The following SLC6A11 variants were observed in gnomAD, a reference collection of about 807,000 sequenced individuals.
The protein encoded by SLC6A11 is sodium- and chloride-dependent GABA transporter 3.
Under a neutral mutation model 74.8 loss-of-function variants are expected in SLC6A11, and 25 were observed. That is an observed-to-expected ratio of 0.33 (90% confidence interval 0.24 to 0.47). The LOEUF (loss-of-function observed/expected upper bound fraction) is 0.47, where lower values mean the gene tolerates loss of function less well. Ranked by LOEUF, SLC6A11 falls within the 20% of genes least tolerant of loss-of-function variation. The pLI is 1.00. For missense variants in SLC6A11, 574 were observed against 837.0 expected (o/e 0.69, Z 3.88); for synonymous variants, 330 against 330.2 (o/e 1.00, Z 0.01).
intron 5 of SLC6A11, among the ~76,000 whole-genome samples, chr3:10,856,456 A>T (rs1201993153): frequency 6.6e-6 from 1 of 152,182 alleles, no homozygotes; most frequent in East Asian, 1.9e-4. Flanking sequence ...ATTTAACTTA[A>T]CCTTCACAAC....
At chr3:10,826,743 A>G (rs1694215222) in intron 4 of SLC6A11, among the ~76,000 whole-genome samples, 1 of 152,240 alleles carries the variant, frequency 6.6e-6, no homozygotes, top group South Asian at 2.1e-4. Context: ...GAAGAGTCAA[A>G]GTGGGCTCTG....
chr3:10,879,860 T>C (rs138623056), intron 6 of SLC6A11, among the ~76,000 whole-genome samples: 1 of 152,294 alleles, frequency 6.6e-6, no homozygotes, highest in East Asian at 1.9e-4. Flanking sequence ...AAGGAAATGC[T>C]TCAATGAGCA....
At chr3:10,894,372 G>A (rs565688659) in intron 6 of SLC6A11, among the ~76,000 whole-genome samples, 74 of 152,336 alleles carry the variant, frequency 4.9e-4, no homozygotes, top group African/African-American at 1.7e-3. Context: ...AGGCAGGTCA[G>A]TGAGTGTCAA....
rs574389998 is a variant in SLC6A11, at chr3:10,827,834, G to T, written c.623+4442G>T. Among the ~76,000 whole-genome samples the T allele has an allele frequency of 3.9e-5, 6 of 152,224 alleles. No individual in the cohort carries two copies. In the East Asian group the frequency reaches 1.2e-3, roughly 29 times the overall value. ...GGCTTTGCCTTGACCATGGGCACCT[G>T]GCCTGCCCACTCCCCATCTTGAAGT... On this transcript the variant is annotated intron_variant, in intron 4 of 13. Coordinates refer to ENST00000254488, the MANE Select transcript of SLC6A11 (RefSeq NM_014229.3).
intron 8 of SLC6A11, among the ~76,000 whole-genome samples, chr3:10,920,330 G>A (rs184032796): frequency 3.3e-4 from 50 of 152,244 alleles, no homozygotes; most frequent in African/African-American, 1.0e-3. Context: ...CAAATCCAAC[G>A]CAACACCTTG....
intron 8 of SLC6A11, among the ~76,000 whole-genome samples, chr3:10,923,127 G>A (rs1307925622): frequency 6.6e-6 from 1 of 151,892 alleles, no homozygotes; most frequent in Non-Finnish European, 1.5e-5. Context: ...ATGTGTATAT[G>A]CATGGATAAA....
At chr3:10,868,532 A>G (rs1694791631) in intron 5 of SLC6A11, among the ~76,000 whole-genome samples, 1 of 152,262 alleles carries the variant, frequency 6.6e-6, no homozygotes, top group Non-Finnish European at 1.5e-5. Flanking sequence ...TGAAAAGGGA[A>G]TTAAACAATA....
At chr3:10,898,220 G>T (rs1031077351) in intron 6 of SLC6A11, among the ~76,000 whole-genome samples, 1 of 152,174 alleles carries the variant, frequency 6.6e-6, no homozygotes. Context: ...ACATGCCCTC[G>T]AGACATTTTC....
In SLC6A11 at chr3:10,926,216, C is replaced by A; in HGVS notation, c.1233+100C>A. 4 of 719,268 alleles carry A rather than the reference C, an allele frequency of 5.6e-6. No individual in the cohort carries two copies. Among genetic ancestry groups the A allele is most frequent in the Non-Finnish European group, 9.5e-6 (4 of 419,310 alleles). The allele number at this position is 719,268 out of a possible 1,614,324, so 44.6% of individuals were successfully genotyped here. ...GTGGCTCCCCAGGCCCAGCCACTCC[C>A]ACCTGGCCCTGGCATCAGGGCCCTG... On this transcript the variant is annotated intron_variant, in intron 9 of 13. Transcript: ENST00000254488. The surrounding 1 kb of genome is among the most constrained non-coding windows in gnomAD (Gnocchi z 5.7).
rs1695486524 is a variant in SLC6A11 at position 10,918,324 on chromosome 3, C to T, written c.996-5C>T. 6.3e-7 allele frequency: 1 copy of T among 1,583,562 alleles called. No individual in the cohort carries two copies. Among genetic ancestry groups the T allele is most frequent in the African/African-American group, 1.4e-5 (1 of 72,816 alleles). ...ACCCTAGTGCCTCTCGCTGCTTCCC[C>T]ACAGGGACTGCATCATGCTCTGTTG... On this transcript the variant is annotated splice_polypyrimidine_tract_variant and splice_region_variant and intron_variant, in intron 7 of 13. Coordinates refer to ENST00000254488, the MANE Select transcript of SLC6A11 (RefSeq NM_014229.3). The surrounding 1 kb of genome is among the most constrained non-coding windows in gnomAD (Gnocchi z 4.5).
chr3:10,833,060 T>G (rs1238231420), intron 4 of SLC6A11, among the ~76,000 whole-genome samples: 5 of 151,966 alleles, frequency 3.3e-5, no homozygotes, highest in Non-Finnish European at 7.4e-5. Flanking sequence ...CCATTGCCAA[T>G]TAATTTTTTT....
chr3:10,834,746 G>A (rs1197360567), intron 4 of SLC6A11, among the ~76,000 whole-genome samples: 1 of 152,170 alleles, frequency 6.6e-6, no homozygotes, highest in Non-Finnish European at 1.5e-5. Context: ...CTTAGGAATT[G>A]GGACCCTGAG....
intron 4 of SLC6A11, among the ~76,000 whole-genome samples, chr3:10,839,170 C>T (rs1172440587): frequency 1.3e-5 from 2 of 152,138 alleles, no homozygotes; most frequent in African/African-American, 2.4e-5. Context: ...CCATCTCTTT[C>T]GGGTGAACTA....
intron 5 of SLC6A11, among the ~76,000 whole-genome samples, chr3:10,858,840 A>T (rs1694668743): frequency 6.6e-6 from 1 of 152,252 alleles, no homozygotes; most frequent in South Asian, 2.1e-4. Flanking sequence ...TCAAGGAGAC[A>T]TAAAGGCAAA....
intron 4 of SLC6A11, among the ~76,000 whole-genome samples, chr3:10,837,174 T>A (rs1195149097): frequency 6.6e-6 from 1 of 152,080 alleles, no homozygotes; most frequent in African/African-American, 2.4e-5. Context: ...AGAATATAGA[T>A]AACTGGGGAG....
At chr3:10,890,765 A>T (rs1479897406) in intron 6 of SLC6A11, among the ~76,000 whole-genome samples, 2 of 152,166 alleles carry the variant, frequency 1.3e-5, no homozygotes, top group African/African-American at 4.8e-5. Flanking sequence ...GTTGGAGTTA[A>T]TCCTTTAGCA....
At chr3:10,827,194 C>G (rs1016102102) in intron 4 of SLC6A11, among the ~76,000 whole-genome samples, 1 of 152,186 alleles carries the variant, frequency 6.6e-6, no homozygotes, top group Non-Finnish European at 1.5e-5. Context: ...TGGATGAAAG[C>G]TATGTCCTTC....
At chr3:10,842,848 T>A (rs1694455304) in intron 4 of SLC6A11, among the ~76,000 whole-genome samples, 2 of 152,144 alleles carry the variant, frequency 1.3e-5, no homozygotes, top group South Asian at 4.1e-4. Context: ...ACCTGCCTGA[T>A]TTCTCTGGCG....
rs998061425 is a variant in SLC6A11, at chr3:10,833,753, A to G, written c.623+10361A>G. ...GAATAATTGTTGTTACAGCACTACTAGTAGTAACTGGGCTTAATAAATACT... is the reference window on the plus strand; with the variant it reads ...GAATAATTGTTGTTACAGCACTACTGGTAGTAACTGGGCTTAATAAATACT... On this transcript the variant is annotated intron_variant, in intron 4 of 13. Transcript: ENST00000254488. Among the ~76,000 whole-genome samples the G allele has an allele frequency of 2.0e-5, 3 of 152,218 alleles. 1 individual carries two copies. The highest frequency in any genetic ancestry group is 4.4e-5 in the Non-Finnish European group (3 of 68,054).
Sources: allele counts gnomAD v4.1 joint callset (sites outside exome capture counted in the v4.1 genomes callset), GRCh38; gene constraint gnomAD v4.1.1; non-coding constraint Gnocchi (gnomAD v3.1); transcripts MANE v1.5; gene names NCBI Gene and HGNC (gene_info 2026-07-23, HGNC 2026-07-21).